CSMD3: variants seen among roughly 807,000 people sequenced by gnomAD.
The protein encoded by CSMD3 is CUB and Sushi multiple domains 3, also known as CUB and sushi domain-containing protein 3.
A neutral mutation model predicts 435.2 loss-of-function variants in CSMD3; 177 were observed. That is an observed-to-expected ratio of 0.41 (90% CI 0.36 to 0.46). The LOEUF (loss-of-function observed/expected upper bound fraction) is 0.46. Ranked by LOEUF, CSMD3 falls within the 20% of genes least tolerant of loss-of-function variation. The pLI, the probability that CSMD3 is intolerant of heterozygous loss-of-function variation, is 0.34. For synonymous variants in CSMD3, 1,656 were observed against 1,520.5 expected, an observed-to-expected ratio of 1.09 and a Z score of -2.07; for missense variants, 4,265 against 4,504.6, an observed-to-expected ratio of 0.95 and a Z score of 1.52.
chr8:112,616,882 A>C (rs1295873790), intron 22 of CSMD3, among the ~76,000 whole-genome samples: 1 of 152,168 alleles, frequency 6.6e-6, no homozygotes, highest in Non-Finnish European at 1.5e-5. Flanking sequence ...GCTTATATAG[A>C]AGCCTGAAAA....
chr8:112,750,436 T>C (rs1287475459), intron 13 of CSMD3, among the ~76,000 whole-genome samples: 1 of 151,974 alleles, frequency 6.6e-6, no homozygotes, highest in East Asian at 1.9e-4. Flanking sequence ...GGAGAAAGAC[T>C]ACATAGAAAT....
chr8:112,313,758 TAGAG>T (rs1458422816), intron 49 of CSMD3, 144 bp downstream of exon 49: 7 of 621,976 alleles, frequency 1.1e-5, no homozygotes, highest in Admixed American at 2.8e-5. Flanking sequence ...CAATAGGAAA[TAGAG>T]AGGTTACATA....
At position 112,252,145 on chromosome 8, in the gene CSMD3, C is replaced by T. The variant is rs1815324075; in HGVS notation, c.10110+2108G>A. On this transcript the variant is annotated intron_variant, in intron 63 of 70. Coordinates refer to ENST00000297405, the MANE Select transcript of CSMD3 (RefSeq NM_198123.2). Reference sequence around the variant, plus strand: ...TAGTTCATAACTTTCTCTTGCTCTTCCCAAAAATGGGCTTCCTAACAGCTG... The same window carrying T: ...TAGTTCATAACTTTCTCTTGCTCTTTCCAAAAATGGGCTTCCTAACAGCTG... 2.0e-5 allele frequency among the ~76,000 whole-genome samples: 3 copies of T among 151,884 alleles called. No homozygotes were observed. In the South Asian group the frequency reaches 6.2e-4, roughly 31 times the overall value.
chr8:112,842,503 G>A (rs1461815144), intron 11 of CSMD3, among the ~76,000 whole-genome samples: 4 of 151,476 alleles, frequency 2.6e-5, no homozygotes, highest in Non-Finnish European at 5.9e-5. Context: ...GGTGGTAGCA[G>A]TTGCAGTAGT....
chr8:112,383,419 A>G (rs920717741), intron 37 of CSMD3, 148 bp downstream of exon 37: 4 of 620,366 alleles, frequency 6.4e-6, no homozygotes, highest in Non-Finnish European at 1.2e-5. Flanking sequence ...TCATCTTTAA[A>G]TCTTTTAAAC....
chr8:112,685,389 C>A lies in CSMD3; in HGVS notation c.2482+17G>T, dbSNP rs1171363328. On this transcript the variant is annotated intron_variant, in intron 15 of 70. Coordinates refer to ENST00000297405, the MANE Select transcript of CSMD3 (RefSeq NM_198123.2). ...AGAAATATATTATATGGGAAAAAAA[C>A]AGAAACAGAAACTTACTGTTGTAAG... The A allele has an allele frequency of 6.2e-7, 1 of 1,601,748 alleles. No individual in the cohort carries two copies. The highest frequency in any genetic ancestry group is 1.1e-5 in the South Asian group (1 of 90,624).
At chr8:112,874,633 T>C (rs2081229448) in intron 10 of CSMD3, among the ~76,000 whole-genome samples, 1 of 152,238 alleles carries the variant, frequency 6.6e-6, no homozygotes, top group Non-Finnish European at 1.5e-5. Flanking sequence ...TCCTGTTACA[T>C]TGATCCCTTT....
chr8:112,956,281 G>C (rs2084016488), intron 7 of CSMD3, among the ~76,000 whole-genome samples: 1 of 151,864 alleles, frequency 6.6e-6, no homozygotes, highest in African/African-American at 2.4e-5. Flanking sequence ...CCCAAGTGAC[G>C]CTTTTTGTTG....
At chr8:113,346,747 T>A (rs921523275) in intron 1 of CSMD3, among the ~76,000 whole-genome samples, 3 of 152,114 alleles carry the variant, frequency 2.0e-5, no homozygotes, top group Non-Finnish European at 4.4e-5. Context: ...GCATTAAAAT[T>A]ATAAAATAAT....
At chr8:112,552,820 T>C (rs1827804173) in intron 25 of CSMD3, 100 bp from the exon 26 acceptor site, 4 of 1,083,512 alleles carry the variant, frequency 3.7e-6, no homozygotes, top group Non-Finnish European at 5.5e-6. Context: ...ACTGATTTTC[T>C]TGTTTCTTTA....
intron 9 of CSMD3, among the ~76,000 whole-genome samples, chr8:112,937,585 A>T (rs2130746174): frequency 6.6e-6 from 1 of 152,198 alleles, no homozygotes; most frequent in South Asian, 2.1e-4. Flanking sequence ...TCCTGACCTC[A>T]GGTGATCCGC....
At chr8:113,386,286 A>G (rs1162490672) in intron 1 of CSMD3, among the ~76,000 whole-genome samples, 1 of 151,916 alleles carries the variant, frequency 6.6e-6, no homozygotes, top group Non-Finnish European at 1.5e-5. Context: ...CCTGGATTTC[A>G]ATCTCATTTT....
At position 112,935,715 on chromosome 8, in the gene CSMD3, A is replaced by C. The variant is rs1164169939; in HGVS notation, c.1508+12075T>G. Among the ~76,000 whole-genome samples the C allele has an allele frequency of 3.3e-5, 5 of 149,316 alleles. No individual in the cohort carries two copies. The East Asian group carries it at 9.9e-4, about 29-fold the overall frequency. On this transcript the variant is annotated intron_variant, in intron 9 of 70. Transcript: ENST00000297405. ...AATGAGCTCAATTATGAAAAAAAAA[A>C]CAGGTTGTATGGGGATTTTTTTTAA...
chr8:113,313,615 T>G (rs774214906), intron 2 of CSMD3: 1 of 152,248 alleles, frequency 6.6e-6, no homozygotes, highest in Admixed American at 6.5e-5. Context: ...ACTGATAATC[T>G]GCTTCTTGTA....
At chr8:112,631,967 T>C (rs2074527317) in intron 22 of CSMD3, among the ~76,000 whole-genome samples, 2 of 151,998 alleles carry the variant, frequency 1.3e-5, no homozygotes, top group South Asian at 4.1e-4. Context: ...GCCATATATC[T>C]GCAATGCTGA....
chr8:113,009,498 C>T (rs2086178236), intron 6 of CSMD3, among the ~76,000 whole-genome samples: 1 of 151,710 alleles, frequency 6.6e-6, no homozygotes. Context: ...ATGGCCATTT[C>T]CTGCTACTAA....
At chr8:112,749,978 C>T (rs887991172) in intron 13 of CSMD3, among the ~76,000 whole-genome samples, 2 of 151,910 alleles carry the variant, frequency 1.3e-5, no homozygotes, top group African/African-American at 2.4e-5. Flanking sequence ...AAAGAGAATA[C>T]CCAGTAGTAA....
chr8:112,921,014 C>CACAG (rs1160067562), intron 10 of CSMD3, among the ~76,000 whole-genome samples: 2 of 149,580 alleles, frequency 1.3e-5, no homozygotes, highest in East Asian at 2.0e-4. Context: ...CACACACACA[C>CACAG]ACACACACAC....
chr8:112,818,146 T>G (rs1208376206), intron 12 of CSMD3, among the ~76,000 whole-genome samples: 1 of 151,950 alleles, frequency 6.6e-6, no homozygotes, highest in Non-Finnish European at 1.5e-5. Flanking sequence ...AGAACCTAAA[T>G]ACTGAAACAA....
Sources: gnomAD v4.1 joint callset for allele counts (sites outside exome capture counted in the v4.1 genomes callset) on GRCh38, gnomAD v4.1.1 for gene constraint, MANE v1.5 for transcripts, NCBI Gene and HGNC (gene_info 2026-07-23, HGNC 2026-07-21) for gene names.